The following PTPN20 variants were observed in gnomAD, a reference collection of about 807,000 sequenced individuals.
The protein encoded by PTPN20 is protein tyrosine phosphatase non-receptor type 20.
Under a neutral mutation model 35.0 loss-of-function variants are expected in PTPN20, and 9 were observed. The observed-to-expected ratio is 0.26, with a 90% CI of 0.15 to 0.45. PTPN20 has a LOEUF of 0.45. PTPN20 is among the 20% of genes least tolerant of loss of function. The pLI is 1.00. For missense variants in PTPN20, 111 were observed against 312.5 expected (o/e 0.36, Z 4.86); for synonymous variants, 32 against 100.2 (o/e 0.32, Z 4.06).
At chr10:46,993,160 T>G (rs913478576) in intron 9 of PTPN20, among the ~76,000 whole-genome samples, 24 of 152,216 alleles carry the variant, frequency 1.6e-4, no homozygotes, top group African/African-American at 5.8e-4. Flanking sequence ...CTCTTTTGTA[T>G]TCCAGCACAT....
intron 9 of PTPN20, among the ~76,000 whole-genome samples, chr10:46,996,971 C>T (rs1209845951): frequency 6.6e-6 from 1 of 152,126 alleles, no homozygotes; most frequent in Non-Finnish European, 1.5e-5. Flanking sequence ...TCTGTGCTTT[C>T]TCTAATAAAT....
At chr10:46,954,034 C>T (rs2047654652) in intron 5 of PTPN20, among the ~76,000 whole-genome samples, 1 of 115,152 alleles carries the variant, frequency 8.7e-6, no homozygotes, top group Non-Finnish European at 1.7e-5. Flanking sequence ...GTGAGGCCAA[C>T]TGGACCCAGA....
intron 7 of PTPN20, among the ~76,000 whole-genome samples, chr10:46,977,119 C>T (rs1405082720): frequency 7.9e-5 from 12 of 152,226 alleles, no homozygotes; most frequent in South Asian, 2.1e-4. Flanking sequence ...GCCTCCATAA[C>T]GAGAGTGGGC....
Position 46,911,450 on chromosome 10 carries a change from G to A in PTPN20, c.-175G>A, listed in dbSNP as rs1278089881. 1 of 310,500 alleles carries A rather than the reference G, an allele frequency of 3.2e-6. No homozygotes were observed. Among genetic ancestry groups the A allele is most frequent in the Non-Finnish European group, 6.3e-6 (1 of 159,820 alleles). The allele number at this position is 310,500 out of a possible 1,614,324, so 19.2% of individuals were successfully genotyped here. A position where few individuals can be genotyped will look rare whatever the true frequency, so the allele number is the denominator to read the frequency against. Reference sequence around the variant, plus strand: ...GGCAGGCTAGGCGTGGACCCAACTGGCGAGGCTGCTGGGGTTGCAGCGGGA... The same window carrying A: ...GGCAGGCTAGGCGTGGACCCAACTGACGAGGCTGCTGGGGTTGCAGCGGGA... On this transcript the variant is annotated 5_prime_UTR_variant, in exon 1 of 11. Transcript: ENST00000374339.
Position 47,000,679 on chromosome 10 carries a change from C to T in PTPN20, c.1201C>T (p.Gln401Ter). The change falls in exon 11 of 11, where the codon CAG becomes TAG. Residue 401 changes from glutamine (Q) to a stop codon, truncating the protein, a stop_gained. Transcript: ENST00000374339. LOFTEE classifies it high-confidence loss of function. ...QRSGMVQTKE[Q>*]YHFCYDIVLE... ...TTTTTTATATATATGTATATAGGAG[C>T]AGTATCACTTTTGTTACGATATTGT... The T allele has an allele frequency of 6.2e-7, 1 of 1,613,412 alleles. No homozygotes were observed. Among genetic ancestry groups the T allele is most frequent in the African/African-American group, 1.3e-5 (1 of 74,992 alleles).
At chr10:46,995,732 G>A (rs983080334) in intron 9 of PTPN20, among the ~76,000 whole-genome samples, 1 of 152,160 alleles carries the variant, frequency 6.6e-6, no homozygotes, top group Non-Finnish European at 1.5e-5. Flanking sequence ...TTTCCTGCCA[G>A]GTAACCCAGA....
chr10:46,993,203 G>C (rs1370843822), intron 9 of PTPN20, among the ~76,000 whole-genome samples: 1 of 152,190 alleles, frequency 6.6e-6, no homozygotes, highest in African/African-American at 2.4e-5. Context: ...AAGGGGTAGC[G>C]ATGATCCCCT....
chr10:46,985,076 AAG>A (rs1218446394), intron 8 of PTPN20, among the ~76,000 whole-genome samples: 1 of 120,990 alleles, frequency 8.3e-6, no homozygotes, highest in Non-Finnish European at 1.7e-5. Flanking sequence ...GCAAATGAAA[AAG>A]ATGGAGGGAG....
chr10:46,940,423 G>C (rs2043079965), intron 2 of PTPN20, among the ~76,000 whole-genome samples, 200 bp from the exon 3 acceptor site: 1 of 149,066 alleles, frequency 6.7e-6, no homozygotes, highest in Non-Finnish European at 1.5e-5. Context: ...CTAGAAGAAG[G>C]ATCAGCTTTG....
intron 7 of PTPN20, among the ~76,000 whole-genome samples, chr10:46,977,555 G>A (rs1280956938): frequency 6.7e-6 from 1 of 148,612 alleles, no homozygotes; most frequent in Non-Finnish European, 1.5e-5. Flanking sequence ...TTGCCATTAG[G>A]TAATCCTATT....
intron 9 of PTPN20, among the ~76,000 whole-genome samples, chr10:46,993,520 C>T (rs1225220317): frequency 3.3e-5 from 5 of 152,184 alleles, no homozygotes; most frequent in Non-Finnish European, 7.3e-5. Context: ...CACCCATAGC[C>T]TAGGGTTTTC....
chr10:46,995,984 T>A (rs1368280768), intron 9 of PTPN20, among the ~76,000 whole-genome samples: 2 of 152,254 alleles, frequency 1.3e-5, no homozygotes, highest in African/African-American at 2.4e-5. Flanking sequence ...TTGGTTTTGG[T>A]TTTCTTTGTA....
chr10:46,947,357 C>G (rs1292434561), intron 5 of PTPN20, among the ~76,000 whole-genome samples: 2 of 150,700 alleles, frequency 1.3e-5, no homozygotes, highest in Non-Finnish European at 2.9e-5. Flanking sequence ...AACATCTTCT[C>G]TAATGACTTT....
chr10:46,994,277 G>A (rs2058591479), intron 9 of PTPN20, among the ~76,000 whole-genome samples: 1 of 147,964 alleles, frequency 6.8e-6, no homozygotes, highest in Non-Finnish European at 1.5e-5. Flanking sequence ...TTATGCTTTG[G>A]TGTAGCCTTA....
intron 4 of PTPN20, among the ~76,000 whole-genome samples, chr10:46,945,668 TAGG>T (rs2044526784): frequency 6.6e-6 from 1 of 152,064 alleles, no homozygotes; most frequent in Non-Finnish European, 1.5e-5. Flanking sequence ...GAAGTCAAAT[TAGG>T]AGGATTTTGC....
chr10:47,003,466 A>G (rs1188775445), downstream of PTPN20, among the ~76,000 whole-genome samples: 1 of 152,120 alleles, frequency 6.6e-6, no homozygotes, highest in African/African-American at 2.4e-5. Context: ...TAGAAATAAT[A>G]GACTCAACTC....
chr10:46,986,299 C>G (rs2056858096), intron 8 of PTPN20, among the ~76,000 whole-genome samples: 1 of 141,872 alleles, frequency 7.0e-6, no homozygotes, highest in Non-Finnish European at 1.5e-5. Flanking sequence ...AATATTTGGC[C>G]TAGTATCTGG....
intron 5 of PTPN20, among the ~76,000 whole-genome samples, chr10:46,957,709 T>C: frequency 1.4e-5 from 2 of 146,650 alleles, no homozygotes; most frequent in Middle Eastern, 6.9e-3. Flanking sequence ...ACCACTGTAC[T>C]TCAGCCTGCG....
At chr10:46,952,513 AAAAG>A (rs2047011248) in intron 5 of PTPN20, among the ~76,000 whole-genome samples, 1 of 139,728 alleles carries the variant, frequency 7.2e-6, no homozygotes, top group South Asian at 2.5e-4. Flanking sequence ...TGCATATCAA[AAAAG>A]AAAGAAAAAT....
Sources: allele counts gnomAD v4.1 joint callset (sites outside exome capture counted in the v4.1 genomes callset), GRCh38; gene constraint gnomAD v4.1.1; transcripts MANE v1.5; gene names NCBI Gene and HGNC (gene_info 2026-07-23, HGNC 2026-07-21).